Variants in GABRG3 observed in about 807,000 individuals in gnomAD.
The protein encoded by GABRG3 is gamma-aminobutyric acid receptor subunit gamma-3.
In GABRG3, 25 loss-of-function variants were observed where a neutral mutation model predicts 48.8. The ratio of observed to expected loss-of-function variants is 0.51; its 90% CI spans 0.37 to 0.72. The LOEUF is 0.72. Ranked by LOEUF, GABRG3 falls within the 30% of genes least tolerant of loss-of-function variation. The probability of loss-of-function intolerance (pLI) is 0.00; values close to 1 mark genes in which losing one functional copy is unlikely to be tolerated. For synonymous variants in GABRG3, 227 were observed against 217.6 expected, an observed-to-expected ratio of 1.04 and a Z score of -0.38; for missense variants, 394 against 577.9, an observed-to-expected ratio of 0.68 and a Z score of 3.26.
At chr15:27,146,283 T>A (rs1397004385) in intron 3 of GABRG3, among the ~76,000 whole-genome samples, 1 of 152,056 alleles carries the variant, frequency 6.6e-6, no homozygotes, top group African/African-American at 2.4e-5. Context: ...TGAAACCCTG[T>A]CTCTACTAAA....
intron 3 of GABRG3, among the ~76,000 whole-genome samples, chr15:27,124,529 G>C (rs1387986062): frequency 1.3e-5 from 2 of 152,236 alleles, no homozygotes; most frequent in Admixed American, 1.3e-4. Context: ...TGGAGGGAGA[G>C]ACGATGATGC....
chr15:27,156,901 C>T (rs1039311845), intron 3 of GABRG3, among the ~76,000 whole-genome samples: 6 of 152,144 alleles, frequency 3.9e-5, no homozygotes, highest in Non-Finnish European at 2.9e-5. Context: ...GCAGTTCATG[C>T]TTTGAAGAAA....
intron 5 of GABRG3, among the ~76,000 whole-genome samples, chr15:27,392,613 T>C (rs1420874476): frequency 6.6e-6 from 1 of 152,194 alleles, no homozygotes; most frequent in Non-Finnish European, 1.5e-5. Flanking sequence ...TCTGCATACT[T>C]TAGAAGGAAG....
rs1490438386 is a variant in GABRG3 at position 27,236,412 on chromosome 15, T to C, written c.271-90397T>C. Among the ~76,000 whole-genome samples the C allele has an allele frequency of 6.6e-6, 1 of 152,200 alleles. No individual in the cohort carries two copies. The highest frequency in any genetic ancestry group is 1.5e-5 in the Non-Finnish European group (1 of 68,028). On this transcript the variant is annotated intron_variant, in intron 3 of 9. Coordinates refer to ENST00000615808, the MANE Select transcript of GABRG3 (RefSeq NM_033223.5). This position sits in a 1 kb window ranked among gnomAD's most constrained non-coding sequence, Gnocchi z 4.4. ...GCTGAGAGAAACCTTAGAAACTGAGTTCCCGGCCATGACAGGACAGGAGGT... is the reference window on the plus strand; with the variant it reads ...GCTGAGAGAAACCTTAGAAACTGAGCTCCCGGCCATGACAGGACAGGAGGT...
intron 5 of GABRG3, among the ~76,000 whole-genome samples, chr15:27,369,591 G>A (rs1242332830): frequency 6.6e-6 from 1 of 152,068 alleles, no homozygotes; most frequent in East Asian, 1.9e-4. Flanking sequence ...GCCAAGGTGG[G>A]CGGATCATGA....
chr15:27,167,465 C>T (rs1887416597), intron 3 of GABRG3, among the ~76,000 whole-genome samples: 1 of 152,206 alleles, frequency 6.6e-6, no homozygotes, highest in South Asian at 2.1e-4. Context: ...GCTGTGCTCA[C>T]TGTCTGCTTC....
chr15:27,507,489 G>A (rs1288406324), intron 6 of GABRG3, among the ~76,000 whole-genome samples: 3 of 152,198 alleles, frequency 2.0e-5, no homozygotes, highest in African/African-American at 7.2e-5. Flanking sequence ...GGGTGACAGA[G>A]TGAGACTTCA....
chr15:26,993,673 T>G lies in GABRG3; in HGVS notation c.202+16523T>G, dbSNP rs545153748. 2.6e-5 allele frequency among the ~76,000 whole-genome samples: 4 copies of G among 152,208 alleles called. No individual in the cohort carries two copies. The South Asian group carries it at 8.3e-4, about 32-fold the overall frequency. On this transcript the variant is annotated intron_variant, in intron 2 of 9. Transcript: ENST00000615808. Reference sequence around the variant, plus strand: ...GTGTTGAGGAGAAAAATGTGTTTTCTGCAGCCCTTGAATGCAGTGTTCTGT... The same window carrying G: ...GTGTTGAGGAGAAAAATGTGTTTTCGGCAGCCCTTGAATGCAGTGTTCTGT...
intron 2 of GABRG3, among the ~76,000 whole-genome samples, chr15:27,015,042 G>A (rs2140669988): frequency 6.6e-6 from 1 of 152,290 alleles, no homozygotes; most frequent in Non-Finnish European, 1.5e-5. Flanking sequence ...TCTTGCGACA[G>A]TTTTTGACTT....
At chr15:27,029,164 C>G (rs1471230078) in intron 3 of GABRG3, among the ~76,000 whole-genome samples, 1 of 152,206 alleles carries the variant, frequency 6.6e-6, no homozygotes, top group Admixed American at 6.5e-5. Context: ...GGTTTTCTTT[C>G]TAGCATGGCT....
At chr15:27,421,542 G>A (rs183760850) in intron 5 of GABRG3, among the ~76,000 whole-genome samples, 1 of 152,046 alleles carries the variant, frequency 6.6e-6, no homozygotes, top group African/African-American at 2.4e-5. Flanking sequence ...CATTGGAGTG[G>A]GCTGCGTATC....
At chr15:27,232,648 A>G (rs1889835520) in intron 3 of GABRG3, among the ~76,000 whole-genome samples, 1 of 152,194 alleles carries the variant, frequency 6.6e-6, no homozygotes. Context: ...TTAATCATTC[A>G]GTCTTGACTT....
chr15:27,108,759 G>A (rs1465471273), intron 3 of GABRG3, among the ~76,000 whole-genome samples: 1 of 151,984 alleles, frequency 6.6e-6, no homozygotes, highest in Non-Finnish European at 1.5e-5. Flanking sequence ...CTGGTATTTA[G>A]GTTTCTACAC....
At chr15:27,413,487 G>C (rs1272364911) in intron 5 of GABRG3, among the ~76,000 whole-genome samples, 3 of 152,196 alleles carry the variant, frequency 2.0e-5, no homozygotes, top group Non-Finnish European at 4.4e-5. Flanking sequence ...GATAACATTA[G>C]AAATGAGCTG....
At chr15:27,258,650 C>T (rs1374014136) in intron 3 of GABRG3, among the ~76,000 whole-genome samples, 1 of 152,202 alleles carries the variant, frequency 6.6e-6, no homozygotes, top group East Asian at 1.9e-4. Flanking sequence ...TTACAGGATA[C>T]AGAGTGATAT....
intron 3 of GABRG3, among the ~76,000 whole-genome samples, chr15:27,326,503 G>T (rs6606902): frequency 1.3e-5 from 2 of 152,190 alleles, no homozygotes; most frequent in African/African-American, 4.8e-5. Flanking sequence ...CTTGGACTTG[G>T]GAGCCTAGGG....
chr15:27,423,255 A>AC (rs1405455455), intron 5 of GABRG3, among the ~76,000 whole-genome samples: 4 of 150,892 alleles, frequency 2.7e-5, no homozygotes, highest in Admixed American at 1.3e-4. Flanking sequence ...AAAAAAAAAA[A>AC]AAAAAAAAAA....
intron 3 of GABRG3, among the ~76,000 whole-genome samples, chr15:27,299,579 T>C (rs2140491858): frequency 6.6e-6 from 1 of 152,256 alleles, no homozygotes; most frequent in South Asian, 2.1e-4. Flanking sequence ...CTCCTAATCC[T>C]TAGAGGATGT....
intron 2 of GABRG3, among the ~76,000 whole-genome samples, chr15:27,010,513 G>A (rs890995336): frequency 6.6e-6 from 1 of 152,176 alleles, no homozygotes; most frequent in Non-Finnish European, 1.5e-5. Flanking sequence ...GGTAACATCA[G>A]TTTGGCTCTT....
Sources: allele counts gnomAD v4.1 joint callset (sites outside exome capture counted in the v4.1 genomes callset), GRCh38; gene constraint gnomAD v4.1.1; non-coding constraint Gnocchi (gnomAD v3.1); transcripts MANE v1.5; gene names NCBI Gene and HGNC (gene_info 2026-07-23, HGNC 2026-07-21).